NRXN1: variants seen among roughly 807,000 people sequenced by gnomAD.
NRXN1 encodes neurexin 1.
In NRXN1, 39 loss-of-function variants were observed where a neutral mutation model predicts 150.9. The observed-to-expected ratio is 0.26, with a 90% CI of 0.20 to 0.34. The LOEUF is 0.34. NRXN1 is among the 10% of genes least tolerant of loss of function. The pLI is 1.00. For missense variants in NRXN1, 1,815 were observed against 1,949.9 expected (o/e 0.93, Z 1.30); for synonymous variants, 924 against 757.0 (o/e 1.22, Z -3.62).
chr2:50,320,632 T>C (rs1301595768), intron 17 of NRXN1, among the ~76,000 whole-genome samples: 1 of 151,642 alleles, frequency 6.6e-6, no homozygotes, highest in Non-Finnish European at 1.5e-5. Flanking sequence ...AATTGATGAA[T>C]GGACAGGAGC....
intron 15 of NRXN1, among the ~76,000 whole-genome samples, chr2:50,479,767 C>CTTTTATTTTTTTTTTTTT (rs2090305821): frequency 1.3e-5 from 1 of 79,866 alleles, no homozygotes; most frequent in Non-Finnish European, 2.2e-5. Context: ...ATTTCTTTTT[C>CTTTTATTTTTTTTTTTTT]TTTTTTTTTT....
chr2:49,982,617 C>A (rs554011257), intron 21 of NRXN1, among the ~76,000 whole-genome samples: 2 of 151,994 alleles, frequency 1.3e-5, no homozygotes, highest in African/African-American at 2.4e-5. Flanking sequence ...ATATAATTTT[C>A]TTTGGTTTTA....
At chr2:50,300,254 G>T (rs1189864941) in intron 17 of NRXN1, among the ~76,000 whole-genome samples, 2 of 152,206 alleles carry the variant, frequency 1.3e-5, no homozygotes, top group Middle Eastern at 3.2e-3. Context: ...AATTGGGTAA[G>T]ACCACCCTGA....
intron 21 of NRXN1, among the ~76,000 whole-genome samples, chr2:50,045,932 A>G (rs1691733295): frequency 6.6e-6 from 1 of 152,232 alleles, no homozygotes; most frequent in Non-Finnish European, 1.5e-5. Context: ...AGCTGGAAGT[A>G]CTTGAAGTTT....
In NRXN1 at chr2:50,834,092, T is replaced by C. The variant is rs191241821; in HGVS notation, c.832+87777A>G. Reference sequence around the variant, plus strand: ...AACCTAATTAGCAAATGTACAGTAATTGACCTAATTGGCAAATTTCTTATT... The same window carrying C: ...AACCTAATTAGCAAATGTACAGTAACTGACCTAATTGGCAAATTTCTTATT... On this transcript the variant is annotated intron_variant, in intron 5 of 22. Coordinates refer to ENST00000401669, the MANE Select transcript of NRXN1 (RefSeq NM_001330078.2). Among the ~76,000 whole-genome samples the C allele has an allele frequency of 1.1e-3, 174 of 152,314 alleles. 1 individual carries two copies. The highest frequency in any genetic ancestry group is 3.9e-3 in the African/African-American group (162 of 41,580).
intron 2 of NRXN1, among the ~76,000 whole-genome samples, chr2:50,990,573 G>A (rs1049036301): frequency 6.6e-6 from 1 of 152,130 alleles, no homozygotes; most frequent in Middle Eastern, 3.4e-3. Flanking sequence ...TAGTGACACA[G>A]TTTTTGGTTC....
At chr2:50,076,170 CA>C (rs1697072610) in intron 19 of NRXN1, among the ~76,000 whole-genome samples, 1 of 152,088 alleles carries the variant, frequency 6.6e-6, no homozygotes, top group African/African-American at 2.4e-5. Context: ...GGTTTGGGGA[CA>C]GAAGCGGTAC....
chr2:50,210,858 T>C (rs1410178940), intron 18 of NRXN1, among the ~76,000 whole-genome samples: 1 of 151,542 alleles, frequency 6.6e-6, no homozygotes, highest in Admixed American at 6.6e-5. Context: ...AAAAGATATA[T>C]TTAGCTTTTA....
chr2:50,731,716 C>G (rs1698132943), intron 5 of NRXN1, among the ~76,000 whole-genome samples: 1 of 152,132 alleles, frequency 6.6e-6, no homozygotes, highest in African/African-American at 2.4e-5. Flanking sequence ...AGATACTTCC[C>G]AGGTGACTGT....
chr2:50,939,347 A>G (rs966967346), intron 2 of NRXN1, among the ~76,000 whole-genome samples: 10 of 151,952 alleles, frequency 6.6e-5, no homozygotes, highest in Non-Finnish European at 1.2e-4. Flanking sequence ...GTTTCATGAT[A>G]TATTTAGTAA....
chr2:50,530,388 C>G (rs2093066834), intron 11 of NRXN1, among the ~76,000 whole-genome samples: 1 of 152,138 alleles, frequency 6.6e-6, no homozygotes, highest in Admixed American at 6.5e-5. Context: ...TAAAATCAGC[C>G]TAGAGAGCCC....
intron 17 of NRXN1, among the ~76,000 whole-genome samples, chr2:50,313,213 G>T (rs906324369): frequency 1.3e-5 from 2 of 151,876 alleles, no homozygotes; most frequent in Non-Finnish European, 2.9e-5. Flanking sequence ...AATCAAGGAT[G>T]GTGAATAACT....
chr2:50,693,849 T>C (rs1418766019), intron 5 of NRXN1, among the ~76,000 whole-genome samples: 2 of 152,216 alleles, frequency 1.3e-5, no homozygotes, highest in Admixed American at 6.5e-5. Flanking sequence ...TGAAGTGCAG[T>C]GGTGCAACCG....
At chr2:50,480,441 A>C (rs554168479) in intron 15 of NRXN1, among the ~76,000 whole-genome samples, 1 of 152,184 alleles carries the variant, frequency 6.6e-6, no homozygotes, top group Non-Finnish European at 1.5e-5. Flanking sequence ...CTCCATAGGC[A>C]TATGGACACC....
intron 21 of NRXN1, among the ~76,000 whole-genome samples, chr2:49,950,164 A>G (rs940438599): frequency 2.0e-5 from 3 of 151,922 alleles, no homozygotes; most frequent in Non-Finnish European, 4.4e-5. Flanking sequence ...GTATATAGGT[A>G]TATGATTCCC....
At chr2:50,461,791 G>A (rs2088250203) in intron 17 of NRXN1, among the ~76,000 whole-genome samples, 1 of 151,884 alleles carries the variant, frequency 6.6e-6, no homozygotes, top group African/African-American at 2.4e-5. Flanking sequence ...AAGTTTCCAT[G>A]GGACAAAAGA....
chr2:50,469,608 T>C (rs2089266254), intron 16 of NRXN1, among the ~76,000 whole-genome samples: 1 of 151,434 alleles, frequency 6.6e-6, no homozygotes, highest in Non-Finnish European at 1.5e-5. Context: ...CTAAAAAATG[T>C]GTGAATCTCA....
intron 5 of NRXN1, among the ~76,000 whole-genome samples, chr2:50,769,843 C>T (rs564518591): frequency 1.3e-5 from 2 of 151,984 alleles, no homozygotes; most frequent in East Asian, 1.9e-4. Flanking sequence ...ACAGCCTAGA[C>T]AAAATAAAGA....
chr2:50,646,672 G>A (rs1351546228), intron 5 of NRXN1, among the ~76,000 whole-genome samples: 3 of 149,768 alleles, frequency 2.0e-5, no homozygotes, highest in Non-Finnish European at 3.0e-5. Flanking sequence ...TTCCTCAAAC[G>A]GTGTAATTTT....
Sources: allele counts gnomAD v4.1 joint callset (sites outside exome capture counted in the v4.1 genomes callset), GRCh38; gene constraint gnomAD v4.1.1; transcripts MANE v1.5; gene names NCBI Gene and HGNC (gene_info 2026-07-23, HGNC 2026-07-21).